The following KDSR variants were observed in gnomAD, a reference collection of about 807,000 sequenced individuals.
The protein encoded by KDSR is 3-ketodihydrosphingosine reductase.
KDSR carries 23 observed loss-of-function variants against 41.3 expected under a neutral mutation model. That is an observed-to-expected ratio of 0.56 (90% CI 0.40 to 0.79). The LOEUF (loss-of-function observed/expected upper bound fraction) is 0.79, where lower values mean the gene tolerates loss of function less well. Ranked by LOEUF, KDSR falls within the 30% of genes least tolerant of loss-of-function variation. The pLI, the probability that KDSR is intolerant of heterozygous loss-of-function variation, is 0.00. For missense variants in KDSR, 351 were observed against 416.8 expected, an observed-to-expected ratio of 0.84 and a Z score of 1.37; for synonymous variants, 138 against 151.7, an observed-to-expected ratio of 0.91 and a Z score of 0.66.
intron 1 of KDSR, 98 bp downstream of exon 1, chr18:63,366,913 A>C: frequency 1.8e-6 from 1 of 560,622 alleles, no homozygotes; most frequent in Non-Finnish European, 2.8e-6. Flanking sequence ...CTTCCTGGGG[A>C]CCGCGGCCTG....
chr18:63,347,393 G>C (rs376683915), intron 6 of KDSR, among the ~76,000 whole-genome samples: 1 of 150,236 alleles, frequency 6.7e-6, no homozygotes. Flanking sequence ...CCACTTGGGA[G>C]GCTGAGCCAG....
At chr18:63,352,977 A>T (rs988679424) in intron 5 of KDSR, among the ~76,000 whole-genome samples, 1 of 149,830 alleles carries the variant, frequency 6.7e-6, no homozygotes, top group Non-Finnish European at 1.5e-5. Flanking sequence ...GACCAGCGTG[A>T]CCAACATGGT....
intron 2 of KDSR, among the ~76,000 whole-genome samples, chr18:63,360,832 C>T (rs1208488406): frequency 6.7e-6 from 1 of 149,482 alleles, no homozygotes; most frequent in Non-Finnish European, 1.5e-5. Context: ...TGCAGTGAGC[C>T]GAGATTGTGT....
intron 6 of KDSR, chr18:63,344,767 C>T (rs1016767301): frequency 2.3e-4 from 75 of 323,054 alleles, no homozygotes; most frequent in Middle Eastern, 8.6e-4. Flanking sequence ...ACTCCTGCTG[C>T]CCAGACAGAG....
intron 6 of KDSR, among the ~76,000 whole-genome samples, chr18:63,347,832 A>C (rs911992718): frequency 6.6e-6 from 1 of 152,100 alleles, no homozygotes; most frequent in Non-Finnish European, 1.5e-5. Context: ...CTTTCTTCCT[A>C]AAAGACTGAG....
In KDSR at chr18:63,355,575, G is replaced by GA; in HGVS notation, c.256-13dup. The GA allele has an allele frequency of 2.6e-6, 4 of 1,555,082 alleles. No individual in the cohort carries two copies. The highest frequency in any genetic ancestry group is 2.3e-5 in the Admixed American group (1 of 44,266). On this transcript the variant is annotated splice_polypyrimidine_tract_variant and intron_variant, in intron 3 of 9. Coordinates refer to ENST00000645214, the MANE Select transcript of KDSR (RefSeq NM_002035.4). The stretch of plus-strand genomic sequence containing the variant: ...ATGCAAAGCACCACCTGTTAAAAAA[G>GA]AAAAAAAGTGATCAAAGTTTTGCAG...
rs945394882 is a variant in KDSR, at chr18:63,331,349, C to T, written c.*433G>A. ...GACAGAGAGAGAGAGAGAGAGAACCCGAGAAACCGAAAATTGTTTTTTTAT... is the reference window on the plus strand; with the variant it reads ...GACAGAGAGAGAGAGAGAGAGAACCTGAGAAACCGAAAATTGTTTTTTTAT... On this transcript the variant is annotated 3_prime_UTR_variant, in exon 10 of 10. Transcript: ENST00000645214. 9 of 231,470 alleles carry T rather than the reference C, an allele frequency of 3.9e-5. No homozygotes were observed. The highest frequency in any genetic ancestry group is 1.8e-4 in the South Asian group (1 of 5,430). The allele number at this position is 231,470 out of a possible 1,614,324, so 14.3% of individuals were successfully genotyped here.
intron 6 of KDSR, chr18:63,346,329 A>C (rs1914501085): frequency 6.6e-6 from 1 of 152,260 alleles, no homozygotes; most frequent in Admixed American, 6.5e-5. Flanking sequence ...ATAGTGACTT[A>C]TAAAAACCTT....
Position 63,355,565 on chromosome 18 carries a change from T to G in KDSR, c.256-2A>C, listed in dbSNP as rs1114167451. The G allele has an allele frequency of 4.5e-6, 7 of 1,567,766 alleles. No individual in the cohort carries two copies. The highest frequency in any genetic ancestry group is 6.0e-6 in the Non-Finnish European group (7 of 1,165,234). ...ATCAACTGATATGCAAAGCACCACC[T>G]GTTAAAAAAGAAAAAAAGTGATCAA... On this transcript the variant is annotated splice_acceptor_variant, in intron 3 of 9. Coordinates refer to ENST00000645214, the MANE Select transcript of KDSR (RefSeq NM_002035.4). LOFTEE classifies it high-confidence loss of function.
Position 63,367,124 on chromosome 18 carries a change from C to T in KDSR, c.-6G>A. ...GCGGCAGCCAGCAGCAGCATCGCTCCGCGGGGCCAGGGGCCCGGAGCGGCC... is the reference window on the plus strand; with the variant it reads ...GCGGCAGCCAGCAGCAGCATCGCTCTGCGGGGCCAGGGGCCCGGAGCGGCC... On this transcript the variant is annotated 5_prime_UTR_variant, in exon 1 of 10. Transcript: ENST00000645214. The T allele has an allele frequency of 2.3e-6, 3 of 1,318,464 alleles. No individual in the cohort carries two copies. The South Asian group carries it at 9.6e-5, about 42-fold the overall frequency. The allele number at this position is 1,318,464 out of a possible 1,614,324, so 81.7% of individuals were successfully genotyped here.
At chr18:63,359,441 T>G (rs1337842764) in intron 3 of KDSR, 2 of 271,258 alleles carry the variant, frequency 7.4e-6, no homozygotes, top group Non-Finnish European at 1.4e-5. Context: ...TTTTAAATAT[T>G]CCTTTCCTCT....
chr18:63,361,349 C>G (rs1200710093), intron 2 of KDSR, among the ~76,000 whole-genome samples: 1 of 151,068 alleles, frequency 6.6e-6, no homozygotes, highest in Non-Finnish European at 1.5e-5. Context: ...TCTGCCTCCA[C>G]TTTTATTTAC....
intron 5 of KDSR, among the ~76,000 whole-genome samples, chr18:63,351,721 T>C (rs1280599370): frequency 6.6e-6 from 1 of 152,192 alleles, no homozygotes; most frequent in East Asian, 1.9e-4. Context: ...AGAGTACTAA[T>C]AGTGTATTTT....
chr18:63,361,258 C>A (rs1393267784), intron 2 of KDSR, among the ~76,000 whole-genome samples: 5 of 135,300 alleles, frequency 3.7e-5, no homozygotes, highest in African/African-American at 1.1e-4. Flanking sequence ...CTCAACACCA[C>A]AGGTTCTTCA....
chr18:63,363,161 A>G (rs1233071410), intron 1 of KDSR, among the ~76,000 whole-genome samples: 3 of 151,650 alleles, frequency 2.0e-5, no homozygotes, highest in Non-Finnish European at 4.4e-5. Context: ...CTCATAAATA[A>G]TACATTAGTC....
chr18:63,346,236 C>T (rs1468324152), intron 6 of KDSR: 2 of 152,154 alleles, frequency 1.3e-5, no homozygotes, highest in African/African-American at 4.8e-5. Context: ...GCTTCACGGC[C>T]CAGCCATGCT....
intron 6 of KDSR, 90 bp downstream of exon 6, chr18:63,350,795 TACA>T (rs1489345043): frequency 8.6e-6 from 8 of 927,114 alleles, no homozygotes; most frequent in African/African-American, 3.4e-5. Flanking sequence ...TCTAATTTAA[TACA>T]ACAACACATG....
intron 7 of KDSR, 67 bp downstream of exon 7, chr18:63,344,343 G>A (rs1025517807): frequency 9.2e-7 from 1 of 1,089,174 alleles, no homozygotes; most frequent in Non-Finnish European, 1.4e-6. Flanking sequence ...GTGAGCTGAA[G>A]AGTAGAAAGA....
intron 2 of KDSR, among the ~76,000 whole-genome samples, chr18:63,361,288 GCAATGCAAGGGCCCCATATGA>G (rs1914980159): frequency 7.0e-6 from 1 of 143,158 alleles, no homozygotes; most frequent in East Asian, 2.1e-4. Flanking sequence ...TTCATTTCTA[GCAATGCAAGGGCCCCATATGA>G]GCTCCTGGGG....
Sources: allele counts gnomAD v4.1 joint callset (sites outside exome capture counted in the v4.1 genomes callset), GRCh38; gene constraint gnomAD v4.1.1; transcripts MANE v1.5; gene names NCBI Gene and HGNC (gene_info 2026-07-23, HGNC 2026-07-21).